MSH3: variants seen among roughly 807,000 people sequenced by gnomAD.
The protein encoded by MSH3 is mutS homolog 3, also known as DNA mismatch repair protein Msh3.
Under a neutral mutation model 123.3 loss-of-function variants are expected in MSH3, and 106 were observed. The ratio of observed to expected loss-of-function variants is 0.86; its 90% CI spans 0.73 to 1.01. MSH3 has a LOEUF of 1.01. Among genes scored for constraint, MSH3 ranks in the 50% least tolerant of loss-of-function variants. The probability of loss-of-function intolerance (pLI) is 0.00; values close to 1 mark genes in which losing one functional copy is unlikely to be tolerated. For missense variants in MSH3, 1,459 were observed against 1,347.6 expected (o/e 1.08, Z -1.29); for synonymous variants, 515 against 481.4 (o/e 1.07, Z -0.91).
chr5:80,682,589 T>G (rs1749996713), intron 8 of MSH3, among the ~76,000 whole-genome samples: 1 of 151,896 alleles, frequency 6.6e-6, no homozygotes, highest in Non-Finnish European at 1.5e-5. Context: ...ATGGCTAAAG[T>G]TTTTTGTAGG....
intron 20 of MSH3, among the ~76,000 whole-genome samples, chr5:80,818,381 T>C (rs32992): frequency 0.71 from 90,157 of 127,144 alleles, 31,768 homozygotes; most frequent in South Asian, 0.8. Context: ...TTTTTTTTTT[T>C]TAACAAATAA....
chr5:80,656,416 A>G lies in MSH3; in HGVS notation c.243A>G (p.Thr81=). 1.2e-6 allele frequency: 2 copies of G among 1,614,176 alleles called. No homozygotes were observed. Among genetic ancestry groups the G allele is most frequent in the Non-Finnish European group, 1.7e-6 (2 of 1,180,010 alleles). ...TTCTAACCTTCCCGATATAGGCTAC[A>G]GAAATTGACAGAAGAAAGAAGAGAC... ...FPPQLPPHIA[T]EIDRRKKRPL... The change falls in exon 2 of 24, where the codon ACA becomes ACG. Residue 81 remains threonine (T), a synonymous_variant. Coordinates refer to ENST00000265081, the MANE Select transcript of MSH3 (RefSeq NM_002439.5).
At chr5:80,675,582 G>A (rs1203639083) in intron 7 of MSH3, among the ~76,000 whole-genome samples, 1 of 152,206 alleles carries the variant, frequency 6.6e-6, no homozygotes, top group East Asian at 1.9e-4. Context: ...CATGAGAACA[G>A]CAAGGAGGAA....
chr5:80,739,896 G>C (rs1297846304), intron 10 of MSH3, among the ~76,000 whole-genome samples: 1 of 152,146 alleles, frequency 6.6e-6, no homozygotes, highest in African/African-American at 2.4e-5. Context: ...CTAAAGTTCT[G>C]GGTGAGGGCT....
chr5:80,726,019 A>G (rs886412149), intron 9 of MSH3, among the ~76,000 whole-genome samples: 2 of 152,240 alleles, frequency 1.3e-5, no homozygotes, highest in Non-Finnish European at 2.9e-5. Flanking sequence ...TGTTTGGATG[A>G]TAAATATTCT....
chr5:80,750,841 T>G (rs1743821652), intron 12 of MSH3, among the ~76,000 whole-genome samples: 2 of 152,210 alleles, frequency 1.3e-5, no homozygotes, highest in African/African-American at 2.4e-5. Context: ...GTGGTCTCTC[T>G]ACGTAGAATA....
Position 80,876,651 on chromosome 5 carries a change from A to G in MSH3, c.*789A>G, listed in dbSNP as rs991599985. On this transcript the variant is annotated 3_prime_UTR_variant, in exon 24 of 24. Transcript: ENST00000265081. ...CTCAAAAAAAAAAAAAGAAAAAAGA[A>G]AAGAAATAGAATTATCAAGCTTTTA... Among the ~76,000 whole-genome samples the G allele has an allele frequency of 6.6e-6, 1 of 151,938 alleles. No individual in the cohort carries two copies. The highest frequency in any genetic ancestry group is 2.4e-5 in the African/African-American group (1 of 41,396).
chr5:80,729,430 A>AAGTGTGTG (rs1491210653), intron 10 of MSH3, among the ~76,000 whole-genome samples: 20 of 78,370 alleles, frequency 2.6e-4, no homozygotes, highest in African/African-American at 1.1e-3. Context: ...AAAAAAAAAA[A>AAGTGTGTG]TGTGTGTGTG....
intron 19 of MSH3, among the ~76,000 whole-genome samples, chr5:80,813,126 T>C (rs1745037999): frequency 1.3e-5 from 2 of 152,224 alleles, no homozygotes; most frequent in South Asian, 4.1e-4. Flanking sequence ...TGTCTAGAAT[T>C]TGATGTTATA....
intron 21 of MSH3, among the ~76,000 whole-genome samples, chr5:80,860,217 C>T (rs1488816091): frequency 1.3e-5 from 2 of 152,084 alleles, no homozygotes; most frequent in African/African-American, 4.8e-5. Context: ...AAAAGTTTTT[C>T]GCCTTCACTG....
chr5:80,735,646 G>A (rs1169903504), intron 10 of MSH3, among the ~76,000 whole-genome samples: 1 of 151,796 alleles, frequency 6.6e-6, no homozygotes, highest in Admixed American at 6.6e-5. Context: ...AGCCGACATC[G>A]TACCACTGCA....
intron 1 of MSH3, among the ~76,000 whole-genome samples, chr5:80,655,805 G>GT (rs897951436): frequency 1.4e-4 from 21 of 151,876 alleles, no homozygotes; most frequent in African/African-American, 4.3e-4. Flanking sequence ...CTCCTCTTCT[G>GT]TTTTTTTTGA....
intron 8 of MSH3, among the ~76,000 whole-genome samples, chr5:80,705,470 T>C (rs2112840956): frequency 6.6e-6 from 1 of 152,332 alleles, no homozygotes; most frequent in East Asian, 1.9e-4. Context: ...AATTGGCAAA[T>C]ACTACCACAG....
Position 80,728,471 on chromosome 5 carries a change from T to C in MSH3, c.1454-380T>C, listed in dbSNP as rs369180551. Among the ~76,000 whole-genome samples the C allele has an allele frequency of 1.3e-4, 20 of 152,340 alleles. No individual in the cohort carries two copies. The South Asian group carries it at 3.7e-3, about 28-fold the overall frequency. ...TGTTAATGTTTATTTAGGTGGTCTC[T>C]AGTTTTTTTTTAATACTCCAAAAGA... On this transcript the variant is annotated intron_variant, in intron 9 of 23. Transcript: ENST00000265081.
chr5:80,806,889 T>G (rs1317315517), intron 19 of MSH3, among the ~76,000 whole-genome samples: 1 of 152,150 alleles, frequency 6.6e-6, no homozygotes, highest in African/African-American at 2.4e-5. Flanking sequence ...CAGTCCTCAC[T>G]TGACATTATC....
At chr5:80,776,059 T>A (rs1175210556) in intron 16 of MSH3, among the ~76,000 whole-genome samples, 2 of 152,014 alleles carry the variant, frequency 1.3e-5, no homozygotes, top group African/African-American at 4.8e-5. Flanking sequence ...CCGGCTAATT[T>A]TTGTATTTTT....
chr5:80,720,725 C>G (rs558382176), intron 8 of MSH3, among the ~76,000 whole-genome samples: 1 of 150,348 alleles, frequency 6.7e-6, no homozygotes, highest in East Asian at 1.9e-4. Context: ...CTTTTTTTTT[C>G]TTATCATAAC....
intron 8 of MSH3, among the ~76,000 whole-genome samples, chr5:80,715,996 A>G (rs906449888): frequency 1.6e-4 from 24 of 152,098 alleles, no homozygotes; most frequent in African/African-American, 4.6e-4. Context: ...GGCAAGTGCA[A>G]TGTCTTCATC....
intron 5 of MSH3, among the ~76,000 whole-genome samples, 170 bp downstream of exon 5, chr5:80,672,530 ATAT>A (rs1749746952): frequency 6.6e-6 from 1 of 152,224 alleles, no homozygotes. Context: ...AGTTTTTAAC[ATAT>A]TGTTAGATAT....
Sources: allele counts gnomAD v4.1 joint callset (sites outside exome capture counted in the v4.1 genomes callset), GRCh38; gene constraint gnomAD v4.1.1; transcripts MANE v1.5; gene names NCBI Gene and HGNC (gene_info 2026-07-23, HGNC 2026-07-21).